The following STKLD1 variants were observed in gnomAD, a reference collection of about 807,000 sequenced individuals.
STKLD1 encodes serine/threonine kinase like domain containing 1, also known as serine/threonine kinase-like domain-containing protein STKLD1.
Under a neutral mutation model 80.4 loss-of-function variants are expected in STKLD1, and 79 were observed. That is an observed-to-expected ratio of 0.98 (90% confidence interval 0.82 to 1.19). STKLD1 has a LOEUF of 1.19. Ranked by LOEUF, STKLD1 falls within the 50% of genes most tolerant of loss-of-function variation. STKLD1 has a pLI of 0.00. For missense variants in STKLD1, 841 were observed against 856.0 expected (o/e 0.98, Z 0.22); for synonymous variants, 393 against 357.6 (o/e 1.10, Z -1.12).
At position 133,397,202 on chromosome 9, in the gene STKLD1, A is replaced by G; in HGVS notation, c.905A>G (p.Lys302Arg). ...ATCACCTTCTTGAGAGGCTCCTTCA[A>G]GTCCTCGTGCGTCTCTCTGACCCTG... ...VHITFLRGSF[K>R]SSCVSLTLHR... Residue 302 changes from lysine to arginine, a missense_variant, in exon 10 of 18, where the codon AAG becomes AGG. Transcript: ENST00000371957. The G allele has an allele frequency of 6.2e-7, 1 of 1,613,974 alleles. No homozygotes were observed. Among genetic ancestry groups the G allele is most frequent in the Non-Finnish European group, 8.5e-7 (1 of 1,180,010 alleles).
intron 9 of STKLD1, 178 bp downstream of exon 9, chr9:133,395,941 G>T: frequency 1.6e-6 from 1 of 639,818 alleles, no homozygotes; most frequent in South Asian, 2.1e-5. Flanking sequence ...ACCGTGCTGC[G>T]GCGAGTAATC....
Position 133,395,621 on chromosome 9 carries a change from C to G in STKLD1, c.724C>G (p.Arg242Gly). ...GCAGGGCACAGAAGCCATGCATCTG[C>G]GGAAGTCCCTCCGCCAGAGCCCAGG... Reference protein sequence around the residue: ...FMDGTEAMHLRKSLRQSPGSL... With the variant: ...FMDGTEAMHLGKSLRQSPGSL... The change falls in exon 9 of 18, where the codon CGG becomes GGG. Residue 242 changes from arginine (R) to glycine (G), a missense_variant. Coordinates refer to ENST00000371957, the MANE Select transcript of STKLD1 (RefSeq NM_153710.5). 6.2e-7 allele frequency: 1 copy of G among 1,612,958 alleles called. No homozygotes were observed. Among genetic ancestry groups the G allele is most frequent in the Non-Finnish European group, 8.5e-7 (1 of 1,179,946 alleles).
intron 1 of STKLD1, among the ~76,000 whole-genome samples, chr9:133,377,716 T>C (rs1484396111): frequency 6.6e-6 from 1 of 152,048 alleles, no homozygotes; most frequent in Non-Finnish European, 1.5e-5. Context: ...AAGGGACCAG[T>C]TTTGTGGAAG....
intron 2 of STKLD1, among the ~76,000 whole-genome samples, 179 bp downstream of exon 2, chr9:133,379,301 C>T (rs2130260447): frequency 6.6e-6 from 1 of 152,260 alleles, no homozygotes; most frequent in Admixed American, 6.5e-5. Context: ...GCTCTGTCAC[C>T]TTGATGGGGA....
rs1838345093 is a variant in STKLD1 at position 133,389,856 on chromosome 9, G to A, written c.467+260G>A. On this transcript the variant is annotated intron_variant, in intron 6 of 17. Coordinates refer to ENST00000371957, the MANE Select transcript of STKLD1 (RefSeq NM_153710.5). The surrounding 1 kb of genome is among the most constrained non-coding windows in gnomAD (Gnocchi z 6.4). The stretch of plus-strand genomic sequence containing the variant: ...CGGGCTGCTCTAGAGTTCGTGGAAA[G>A]GAAGGAGGCAAAAGCCCTGCCAAGA... Among the ~76,000 whole-genome samples the A allele has an allele frequency of 6.6e-6, 1 of 152,234 alleles. No homozygotes were observed. The highest frequency in any genetic ancestry group is 1.5e-5 in the Non-Finnish European group (1 of 68,048).
chr9:133,381,209 G>C (rs1174328253), intron 2 of STKLD1, among the ~76,000 whole-genome samples: 1 of 134,872 alleles, frequency 7.4e-6, no homozygotes, highest in African/African-American at 2.8e-5. Context: ...TGTGATCTCA[G>C]CTCACTGTAA....
At chr9:133,382,637 G>A (rs1838162876) in intron 2 of STKLD1, among the ~76,000 whole-genome samples, 1 of 151,540 alleles carries the variant, frequency 6.6e-6, no homozygotes, top group African/African-American at 2.4e-5. Context: ...TGGTGATGAT[G>A]TGATGATGGT....
Position 133,385,783 on chromosome 9 carries a change from G to C in STKLD1, c.294+92G>C. The C allele has an allele frequency of 8.4e-7, 1 of 1,194,774 alleles. No individual in the cohort carries two copies. The highest frequency in any genetic ancestry group is 1.5e-5 in the African/African-American group (1 of 66,980). The allele number at this position is 1,194,774 out of a possible 1,614,324, so 74.0% of individuals were successfully genotyped here. A position where few individuals can be genotyped will look rare whatever the true frequency, so the allele number is the denominator to read the frequency against. On this transcript the variant is annotated intron_variant, in intron 4 of 17. Transcript: ENST00000371957. The surrounding 1 kb of genome is among the most constrained non-coding windows in gnomAD (Gnocchi z 4.9). ...GCCCAGAGCACGCCCACCCCCCACT[G>C]TCAGAATAGCTCGTGTGGCAATGGC...
At chr9:133,392,990 G>A (rs1228601314) in intron 7 of STKLD1, among the ~76,000 whole-genome samples, 1 of 147,702 alleles carries the variant, frequency 6.8e-6, no homozygotes, top group Non-Finnish European at 1.5e-5. Flanking sequence ...ATGGATGGAT[G>A]GGTGGATGGG....
Position 133,394,251 on chromosome 9 carries a change from A to T in STKLD1, c.584-40A>T, listed in dbSNP as rs964827365. ...CTCTGTCAAGCCCCTGCCCCCAGGG[A>T]GCAAAGGACTCAGGGATCCCACCTT... is the stretch of plus-strand genomic sequence containing the variant. On this transcript the variant is annotated intron_variant, in intron 7 of 17. Coordinates refer to ENST00000371957, the MANE Select transcript of STKLD1 (RefSeq NM_153710.5). The surrounding 1 kb of genome is among the most constrained non-coding windows in gnomAD (Gnocchi z 4.9). 2 of 1,394,284 alleles carry T rather than the reference A, an allele frequency of 1.4e-6. No homozygotes were observed. The highest frequency in any genetic ancestry group is 2.0e-6 in the Non-Finnish European group (2 of 979,764). The allele number at this position is 1,394,284 out of a possible 1,614,324, so 86.4% of individuals were successfully genotyped here. A position where few individuals can be genotyped will look rare whatever the true frequency, so the allele number is the denominator to read the frequency against.
At chr9:133,405,026 G>C in intron 17 of STKLD1, 97 bp downstream of exon 17, 1 of 1,513,822 alleles carries the variant, frequency 6.6e-7, no homozygotes, top group Non-Finnish European at 8.9e-7. Context: ...ATGGAAGGTG[G>C]GCTCAACCCC....
chr9:133,391,810 C>T (rs1198176934), intron 7 of STKLD1, among the ~76,000 whole-genome samples: 1 of 151,332 alleles, frequency 6.6e-6, no homozygotes, highest in Non-Finnish European at 1.5e-5. Context: ...GCCAAATCCC[C>T]CTCTGCGAGA....
At position 133,390,504 on chromosome 9, in the gene STKLD1, G is replaced by T. The variant is rs1564378934; in HGVS notation, c.468-177G>T. 6.6e-6 allele frequency among the ~76,000 whole-genome samples: 1 copy of T among 152,148 alleles called. No individual in the cohort carries two copies. Among genetic ancestry groups the T allele is most frequent in the Non-Finnish European group, 1.5e-5 (1 of 68,024 alleles). ...TAGGAAACAACTGCTTAAAAAGTAG[G>T]CTGAGATGGGGCATTTTGTGGAGGA... On this transcript the variant is annotated intron_variant, in intron 6 of 17. Transcript: ENST00000371957. This position sits in a 1 kb window ranked among gnomAD's most constrained non-coding sequence, Gnocchi z 5.1.
Position 133,397,256 on chromosome 9 carries a change from C to A in STKLD1, c.959C>A (p.Thr320Asn), listed in dbSNP as rs782192390. 6.2e-7 allele frequency: 1 copy of A among 1,613,884 alleles called. No individual in the cohort carries two copies. Among genetic ancestry groups the A allele is most frequent in the Non-Finnish European group, 8.5e-7 (1 of 1,180,012 alleles). The stretch of plus-strand genomic sequence containing the variant: ...CGGCAGATGGTGCCTGCGTCCATCA[C>A]CGACATGCTGTTAGAAGGCAACGTG... ...LHRQMVPASI[T>N]DMLLEGNVAS... The change falls in exon 10 of 18, where the codon ACC becomes AAC. Residue 320 changes from threonine (T) to asparagine (N), a missense_variant. By Grantham distance (65) the Thr-to-Asn change is moderately conservative. Coordinates refer to ENST00000371957, the MANE Select transcript of STKLD1 (RefSeq NM_153710.5).
chr9:133,395,797 G>A, intron 9 of STKLD1, 34 bp downstream of exon 9: 2 of 1,603,798 alleles, frequency 1.2e-6, no homozygotes, highest in East Asian at 2.2e-5. Flanking sequence ...TTTAACCTGT[G>A]GATTTATCTT....
rs1554776592 is a variant in STKLD1 at position 133,395,662 on chromosome 9, C to A, written c.765C>A (p.Val255=). The A allele has an allele frequency of 6.2e-7, 1 of 1,613,324 alleles. No individual in the cohort carries two copies. The highest frequency in any genetic ancestry group is 8.5e-7 in the Non-Finnish European group (1 of 1,180,046). The change falls in exon 9 of 18, where the codon GTC becomes GTA. Residue 255 remains valine, a synonymous_variant. Coordinates refer to ENST00000371957, the MANE Select transcript of STKLD1 (RefSeq NM_153710.5). ...LRQSPGSLKA[V]LKTMEEKQIP... ...AGAGCCCAGGCAGCCTGAAGGCCGT[C>A]CTGAAGACAATGGAGGAGAAGCAGA... is the stretch of plus-strand genomic sequence containing the variant.
At position 133,389,305 on chromosome 9, in the gene STKLD1, G is replaced by C; in HGVS notation, c.397-221G>C. 2 of 985,326 alleles carry C rather than the reference G, an allele frequency of 2.0e-6. No homozygotes were observed. Among genetic ancestry groups the C allele is most frequent in the Non-Finnish European group, 2.4e-6 (2 of 829,898 alleles). 61.0% of individuals were successfully genotyped at this position (985,326 alleles called of 1,614,324 possible). ...TCTGGTATGGAGACAGCAGTGTGGA[G>C]TCTGGAAACTCAGAGTCCTTCTGGC... On this transcript the variant is annotated intron_variant, in intron 5 of 17. Transcript: ENST00000371957. This position sits in a 1 kb window ranked among gnomAD's most constrained non-coding sequence, Gnocchi z 6.4.
chr9:133,387,425 T>C (rs1838288801), intron 4 of STKLD1, 22 bp from the exon 5 acceptor site: 1 of 1,607,156 alleles, frequency 6.2e-7, no homozygotes, highest in Admixed American at 1.7e-5. Flanking sequence ...GTCCTTTGGC[T>C]AAGGGCCTCC....
chr9:133,392,685 G>A (rs1199344776), intron 7 of STKLD1, among the ~76,000 whole-genome samples: 11 of 125,330 alleles, frequency 8.8e-5, no homozygotes, highest in African/African-American at 3.8e-4. Context: ...GTGGATGGGT[G>A]AGTAGGTGAG....
Sources: allele counts gnomAD v4.1 joint callset (sites outside exome capture counted in the v4.1 genomes callset), GRCh38; gene constraint gnomAD v4.1.1; non-coding constraint Gnocchi (gnomAD v3.1); transcripts MANE v1.5; gene names NCBI Gene and HGNC (gene_info 2026-07-23, HGNC 2026-07-21).